The following AOPEP variants were observed in gnomAD, a reference collection of about 807,000 sequenced individuals.
AOPEP encodes aminopeptidase O (putative).
AOPEP carries 77 observed loss-of-function variants against 98.1 expected under a neutral mutation model. The ratio of observed to expected loss-of-function variants is 0.78; its 90% CI spans 0.65 to 0.95. The LOEUF (loss-of-function observed/expected upper bound fraction) is 0.95. Among genes scored for constraint, AOPEP ranks in the 40% least tolerant of loss-of-function variants. The probability of loss-of-function intolerance (pLI) is 0.00; values close to 1 mark genes in which losing one functional copy is unlikely to be tolerated. For synonymous variants in AOPEP, 346 were observed against 365.3 expected, an observed-to-expected ratio of 0.95 and a Z score of 0.60; for missense variants, 1,024 against 1,024.7, an observed-to-expected ratio of 1.00 and a Z score of 0.01.
At chr9:94,738,614 C>T (rs1174741694) in intron 1 of AOPEP, among the ~76,000 whole-genome samples, 1 of 152,144 alleles carries the variant, frequency 6.6e-6, no homozygotes, top group East Asian at 1.9e-4. Flanking sequence ...CGCTCTGTCA[C>T]CCAGGCTGGC....
In AOPEP at chr9:95,074,849, G is replaced by C. The variant is rs576063501; in HGVS notation, c.2233-5845G>C. Among the ~76,000 whole-genome samples the C allele has an allele frequency of 1.8e-4, 28 of 152,354 alleles. No homozygotes were observed. The South Asian group carries it at 5.8e-3, about 32-fold the overall frequency. On this transcript the variant is annotated intron_variant, in intron 14 of 16. Transcript: ENST00000375315. Reference sequence around the variant, plus strand: ...CTTCCCCCTCCCAGGCCACCTGCTTGTCTGCTGCCCAGCGTCAGCACCGGC... The same window carrying C: ...CTTCCCCCTCCCAGGCCACCTGCTTCTCTGCTGCCCAGCGTCAGCACCGGC...
chr9:94,800,257 T>A (rs993005849), intron 4 of AOPEP, among the ~76,000 whole-genome samples: 1 of 152,248 alleles, frequency 6.6e-6, no homozygotes, highest in Non-Finnish European at 1.5e-5. Flanking sequence ...TTTGAGCCTG[T>A]AACTTTCATT....
chr9:95,111,256 G>A, the AOPEP span: 20 of 1,543,534 alleles, frequency 1.3e-5, no homozygotes, highest in East Asian at 1.2e-4. Flanking sequence ...GCAGCGTCTC[G>A]TCTCTGGCCA....
At chr9:95,112,817 G>A in the AOPEP span, among the ~76,000 whole-genome samples, 1 of 152,234 alleles carries the variant, frequency 6.6e-6, no homozygotes, top group African/African-American at 2.4e-5. Flanking sequence ...ATGGCTCCAA[G>A]GTCTGGATTG....
In AOPEP at chr9:95,061,675, A is replaced by T. The variant is rs574570152; in HGVS notation, c.2232+865A>T. On this transcript the variant is annotated intron_variant, in intron 14 of 16. Coordinates refer to ENST00000375315, the MANE Select transcript of AOPEP (RefSeq NM_001193329.3). Reference sequence around the variant, plus strand: ...ATATTTGGGATATATTAGGTTAAATATTATTGTAATGAATTTTATAATCAT... The same window carrying T: ...ATATTTGGGATATATTAGGTTAAATTTTATTGTAATGAATTTTATAATCAT... 2.6e-5 allele frequency among the ~76,000 whole-genome samples: 4 copies of T among 152,376 alleles called. No individual in the cohort carries two copies. In the South Asian group the frequency reaches 8.3e-4, roughly 32 times the overall value.
intron 4 of AOPEP, among the ~76,000 whole-genome samples, chr9:94,799,598 C>T (rs898369820): frequency 6.6e-6 from 1 of 151,984 alleles, no homozygotes; most frequent in Non-Finnish European, 1.5e-5. Context: ...TGCGGTGGTT[C>T]AAGCCTGTAC....
At chr9:94,927,628 C>T (rs927133133) in intron 6 of AOPEP, among the ~76,000 whole-genome samples, 1 of 152,218 alleles carries the variant, frequency 6.6e-6, no homozygotes, top group African/African-American at 2.4e-5. Flanking sequence ...TCTCCCTTCA[C>T]CTCTCCCGTC....
chr9:94,854,204 A>G (rs757018090), intron 5 of AOPEP, among the ~76,000 whole-genome samples: 2 of 152,182 alleles, frequency 1.3e-5, no homozygotes, highest in Non-Finnish European at 2.9e-5. Context: ...TTCAGAGAGC[A>G]GGTGGTGGTC....
intron 11 of AOPEP, among the ~76,000 whole-genome samples, chr9:94,983,991 G>T (rs919991027): frequency 6.6e-6 from 1 of 151,762 alleles, no homozygotes; most frequent in African/African-American, 2.4e-5. Flanking sequence ...AGCTACATGT[G>T]GTTGGTAAGC....
At chr9:94,996,839 A>C (rs1311286618) in intron 11 of AOPEP, among the ~76,000 whole-genome samples, 1 of 152,186 alleles carries the variant, frequency 6.6e-6, no homozygotes, top group African/African-American at 2.4e-5. Context: ...CACAGTGCTC[A>C]AGACTGGAGG....
At chr9:95,111,598 A>C in the AOPEP span, 1 of 1,614,148 alleles carries the variant, frequency 6.2e-7, no homozygotes, top group Non-Finnish European at 8.5e-7. Flanking sequence ...CTCCGAAGTG[A>C]ATGAACAGGA....
chr9:94,734,246 A>G (rs1831235730), intron 1 of AOPEP, among the ~76,000 whole-genome samples: 2 of 152,150 alleles, frequency 1.3e-5, no homozygotes, highest in South Asian at 4.1e-4. Context: ...AAGGAAGTGT[A>G]GTTGCCTAAG....
chr9:94,941,152 A>G (rs1452109489), intron 7 of AOPEP, among the ~76,000 whole-genome samples: 6 of 152,228 alleles, frequency 3.9e-5, no homozygotes, highest in African/African-American at 9.6e-5. Flanking sequence ...CATCTAGTCC[A>G]GCCCCTCTGA....
chr9:94,865,302 G>T (rs932620200), intron 5 of AOPEP, among the ~76,000 whole-genome samples: 2 of 152,184 alleles, frequency 1.3e-5, no homozygotes, highest in Admixed American at 1.3e-4. Context: ...AACAGGTTTT[G>T]TGTGTCTTTG....
chr9:94,982,587 G>GTTTTTTTTT (rs2060259501), intron 11 of AOPEP, among the ~76,000 whole-genome samples: 1 of 115,606 alleles, frequency 8.7e-6, no homozygotes, highest in African/African-American at 4.6e-5. Context: ...TTTTTTTTTG[G>GTTTTTTTTT]AGACAGGGTC....
At chr9:95,143,536 G>A in the AOPEP span, among the ~76,000 whole-genome samples, 1 of 152,098 alleles carries the variant, frequency 6.6e-6, no homozygotes, top group African/African-American at 2.4e-5. Flanking sequence ...CATCACTCAG[G>A]AAATTTCAAG....
chr9:94,790,191 T>TG (rs926808423), intron 3 of AOPEP, among the ~76,000 whole-genome samples: 8 of 148,762 alleles, frequency 5.4e-5, no homozygotes, highest in Non-Finnish European at 1.0e-4. Context: ...TTCTTTTTGT[T>TG]GGAGACCGAG....
chr9:95,061,971 G>A (rs565862718), intron 14 of AOPEP, among the ~76,000 whole-genome samples: 146 of 152,324 alleles, frequency 9.6e-4, no homozygotes, highest in African/African-American at 3.5e-3. Flanking sequence ...ATTAGGCTGT[G>A]TTTTAATCAG....
Position 94,906,482 on chromosome 9 carries a change from T to A in AOPEP, c.1365-17504T>A, listed in dbSNP as rs201653150. Among the ~76,000 whole-genome samples, 653 of 95,444 alleles carry A rather than the reference T, an allele frequency of 6.8e-3. 7 individuals are homozygous for A. The highest frequency in any genetic ancestry group is 0.052 in the South Asian group (164 of 3,172). The allele number at this position is 95,444 out of a possible 152,430, so 62.6% of individuals were successfully genotyped here. A position where few individuals can be genotyped will look rare whatever the true frequency, so the allele number is the denominator to read the frequency against. ...ATAATAATAATAATAATAATAATAA[T>A]AAAAAAACAGACCCCCTCTCTATAA... On this transcript the variant is annotated intron_variant, in intron 5 of 16. Coordinates refer to ENST00000375315, the MANE Select transcript of AOPEP (RefSeq NM_001193329.3).
Sources: gnomAD v4.1 joint callset for allele counts (sites outside exome capture counted in the v4.1 genomes callset) on GRCh38, gnomAD v4.1.1 for gene constraint, MANE v1.5 for transcripts, NCBI Gene and HGNC (gene_info 2026-07-23, HGNC 2026-07-21) for gene names.